DPP10: variants seen among roughly 807,000 people sequenced by gnomAD.
DPP10 encodes the protein dipeptidyl peptidase like 10.
A neutral mutation model predicts 120.9 loss-of-function variants in DPP10; 33 were observed. The observed-to-expected ratio is 0.27, with a 90% confidence interval of 0.21 to 0.37. DPP10 has a LOEUF of 0.37. Among genes scored for constraint, DPP10 ranks in the 10% least tolerant of loss-of-function variants. The pLI is 1.00. For synonymous variants in DPP10, 337 were observed against 326.1 expected (o/e 1.03, Z -0.36); for missense variants, 816 against 942.8 (o/e 0.87, Z 1.76).
chr2:114,541,174 T>A (rs1305841660), intron 1 of DPP10, among the ~76,000 whole-genome samples: 1 of 152,202 alleles, frequency 6.6e-6, no homozygotes, highest in Non-Finnish European at 1.5e-5. Context: ...TCGCAACTAC[T>A]CTGTATTTTT....
At chr2:114,856,893 A>C (rs1689411408) in intron 1 of DPP10, among the ~76,000 whole-genome samples, 1 of 152,250 alleles carries the variant, frequency 6.6e-6, no homozygotes, top group African/African-American at 2.4e-5. Flanking sequence ...GATTACAGTG[A>C]TAGTAACTAC....
intron 1 of DPP10, among the ~76,000 whole-genome samples, chr2:114,472,803 A>G (rs1242995916): frequency 1.3e-5 from 2 of 152,230 alleles, no homozygotes; most frequent in African/African-American, 4.8e-5. Flanking sequence ...TTGTGAAATG[A>G]GGCAAAAAGA....
intron 3 of DPP10, among the ~76,000 whole-genome samples, chr2:115,461,745 C>T (rs1344563134): frequency 2.0e-5 from 3 of 152,006 alleles, no homozygotes; most frequent in Admixed American, 2.0e-4. Context: ...TAATGTGTAC[C>T]AGTACTGCTG....
chr2:115,126,256 C>T lies in DPP10; in HGVS notation c.61-182983C>T, dbSNP rs561172964. Among the ~76,000 whole-genome samples the T allele has an allele frequency of 2.6e-4, 39 of 152,104 alleles. 3 individuals are homozygous for T. Among genetic ancestry groups the T allele is most frequent in the African/African-American group, 8.9e-4 (37 of 41,518 alleles). ...GCCTCAGCCTTCCAAGTAGCTGGGA[C>T]TACTGGCTAATTTTTTGTATTTTTT... On this transcript the variant is annotated intron_variant, in intron 1 of 25. Coordinates refer to ENST00000410059, the MANE Select transcript of DPP10 (RefSeq NM_020868.6).
At chr2:114,501,451 T>C (rs1224314186) in intron 1 of DPP10, among the ~76,000 whole-genome samples, 1 of 152,178 alleles carries the variant, frequency 6.6e-6, no homozygotes, top group Non-Finnish European at 1.5e-5. Flanking sequence ...CCTCATAATA[T>C]AGACATCTGC....
intron 1 of DPP10, among the ~76,000 whole-genome samples, chr2:115,239,650 C>T (rs954383919): frequency 6.6e-6 from 1 of 152,064 alleles, no homozygotes; most frequent in Admixed American, 6.5e-5. Flanking sequence ...ATGTGCAGAA[C>T]GTGCAGGTTT....
At chr2:114,455,490 A>G (rs1678521870) in intron 1 of DPP10, among the ~76,000 whole-genome samples, 2 of 151,814 alleles carry the variant, frequency 1.3e-5, no homozygotes, top group African/African-American at 4.8e-5. Flanking sequence ...GGTGGCAGTG[A>G]GCAGAGATCA....
At chr2:114,890,335 G>T (rs941749872) in intron 1 of DPP10, among the ~76,000 whole-genome samples, 1 of 152,050 alleles carries the variant, frequency 6.6e-6, no homozygotes, top group South Asian at 2.1e-4. Context: ...ATACATGAAA[G>T]GTATGAGAAG....
At chr2:114,985,732 AATG>A (rs1700353883) in intron 1 of DPP10, among the ~76,000 whole-genome samples, 1 of 152,208 alleles carries the variant, frequency 6.6e-6, no homozygotes, top group African/African-American at 2.4e-5. Context: ...GCACAAATAA[AATG>A]ATGAAACATA....
chr2:114,919,153 A>G (rs1383276271), intron 1 of DPP10, among the ~76,000 whole-genome samples: 3 of 151,992 alleles, frequency 2.0e-5, no homozygotes, highest in African/African-American at 7.2e-5. Context: ...AGGGAGGAGG[A>G]GGTTGTGGAT....
At chr2:115,051,309 G>C (rs951769957) in intron 1 of DPP10, among the ~76,000 whole-genome samples, 8 of 151,848 alleles carry the variant, frequency 5.3e-5, no homozygotes, top group Admixed American at 4.6e-4. Context: ...TATCAATAAA[G>C]AGAAAGAAAT....
In DPP10 at chr2:115,590,151, T is replaced by TTTATTA. The variant is rs59816892; in HGVS notation, c.441+64208_441+64213dup. Among the ~76,000 whole-genome samples, 1,091 of 138,772 alleles carry TTTATTA rather than the reference T, an allele frequency of 7.9e-3. 5 individuals carry two copies. The highest frequency in any genetic ancestry group is 0.019 in the African/African-American group (713 of 37,202). The allele number at this position is 138,772 out of a possible 152,430, so 91.0% of individuals were successfully genotyped here. ...TTTCCCCCATATGGTATTTGTTTTCTTTATTATTATTATTATTATTATTAT... is the reference window on the plus strand; with the variant it reads ...TTTCCCCCATATGGTATTTGTTTTCTTTATTATTATTATTATTATTATTATTATTAT... On this transcript the variant is annotated intron_variant, in intron 5 of 25. Coordinates refer to ENST00000410059, the MANE Select transcript of DPP10 (RefSeq NM_020868.6).
intron 1 of DPP10, among the ~76,000 whole-genome samples, chr2:114,518,020 A>G (rs1290505500): frequency 6.6e-6 from 1 of 151,528 alleles, no homozygotes; most frequent in Admixed American, 6.6e-5. Flanking sequence ...AGATTTTTCA[A>G]ATTTGGTTTT....
At chr2:114,567,413 G>C (rs1689286184) in intron 1 of DPP10, among the ~76,000 whole-genome samples, 1 of 152,084 alleles carries the variant, frequency 6.6e-6, no homozygotes, top group African/African-American at 2.4e-5. Context: ...TGGTGGGACT[G>C]ATATAATCAT....
intron 4 of DPP10, among the ~76,000 whole-genome samples, chr2:115,525,114 T>G (rs1310728082): frequency 6.6e-6 from 1 of 152,182 alleles, no homozygotes; most frequent in African/African-American, 2.4e-5. Flanking sequence ...GCAAAGTATC[T>G]ATTATGCTTA....
chr2:115,286,474 A>G (rs1038461522), intron 1 of DPP10, among the ~76,000 whole-genome samples: 5 of 100,012 alleles, frequency 5.0e-5, no homozygotes, highest in Non-Finnish European at 1.0e-4. Context: ...TGAAATATAT[A>G]TATGTAATAT....
At chr2:115,004,556 G>A (rs11123268) in intron 1 of DPP10, among the ~76,000 whole-genome samples, 57,594 of 151,192 alleles carry the variant, frequency 0.38, 11,346 homozygotes, top group East Asian at 0.48. Flanking sequence ...CCTCACTCGG[G>A]AAGCGCAAGG....
chr2:115,082,342 C>G (rs909692000), intron 1 of DPP10, among the ~76,000 whole-genome samples: 1 of 152,156 alleles, frequency 6.6e-6, no homozygotes, highest in Admixed American at 6.5e-5. Context: ...GCTCTTTTAG[C>G]TCCAAACTGG....
chr2:115,354,887 T>G (rs748477202), intron 3 of DPP10, among the ~76,000 whole-genome samples: 6 of 152,306 alleles, frequency 3.9e-5, no homozygotes, highest in Non-Finnish European at 8.8e-5. Context: ...ATCTCATTCC[T>G]TTTTATGGTT....
Sources: allele counts gnomAD v4.1 joint callset (sites outside exome capture counted in the v4.1 genomes callset), GRCh38; gene constraint gnomAD v4.1.1; transcripts MANE v1.5; gene names NCBI Gene and HGNC (gene_info 2026-07-23, HGNC 2026-07-21).